The following RFC4 variants were observed in gnomAD, a reference collection of about 807,000 sequenced individuals.
The protein encoded by RFC4 is replication factor C subunit 4.
RFC4 carries 38 observed loss-of-function variants against 47.6 expected under a neutral mutation model. The observed-to-expected ratio is 0.80, with a 90% CI of 0.62 to 1.05. The LOEUF (loss-of-function observed/expected upper bound fraction) is 1.05. Among genes scored for constraint, RFC4 ranks in the 50% least tolerant of loss-of-function variants. The pLI, the probability that RFC4 is intolerant of heterozygous loss-of-function variation, is 0.00. For synonymous variants in RFC4, 164 were observed against 150.0 expected (o/e 1.09, Z -0.68); for missense variants, 489 against 434.0 (o/e 1.13, Z -1.13).
chr3:186,791,568 C>T (rs1722137056), intron 8 of RFC4, 157 bp downstream of exon 8: 1 of 719,274 alleles, frequency 1.4e-6, no homozygotes, highest in Non-Finnish European at 2.5e-6. Context: ...GTGCTATCTC[C>T]TCACCTCAAA....
chr3:186,802,412 A>T (rs1722377738), intron 2 of RFC4, among the ~76,000 whole-genome samples: 2 of 152,224 alleles, frequency 1.3e-5, no homozygotes, highest in South Asian at 4.1e-4. Context: ...TAGTAACCTT[A>T]GTATAGGTAA....
At chr3:186,798,487 A>C (rs1722288518) in intron 3 of RFC4, among the ~76,000 whole-genome samples, 1 of 152,012 alleles carries the variant, frequency 6.6e-6, no homozygotes. Context: ...TTCTTCACCT[A>C]AATCAGATAC....
rs1166424378 is a variant in RFC4 at position 186,796,147 on chromosome 3, T to C, written c.291-1370A>G. ...AAGCATGTTTATGGACATAAACATT[T>C]ACATGCATCTATTTTCTATTTTAAA... On this transcript the variant is annotated intron_variant, in intron 4 of 10. Coordinates refer to ENST00000296273, the MANE Select transcript of RFC4 (RefSeq NM_002916.5). The surrounding 1 kb of genome is among the most constrained non-coding windows in gnomAD (Gnocchi z 4.2). Among the ~76,000 whole-genome samples, 3 of 152,186 alleles carry C rather than the reference T, an allele frequency of 2.0e-5. No homozygotes were observed. In the East Asian group the frequency reaches 5.8e-4, roughly 29 times the overall value.
rs1276674740 is a variant in RFC4 at position 186,796,947 on chromosome 3, GT to G, written c.290+587del. ...GTAAAGGGCTCCTCTAGAATGGCTG[GT>G]TAAGCCAAGATGGTCAATCTAGGAA... is the stretch of plus-strand genomic sequence containing the variant. On this transcript the variant is annotated intron_variant, in intron 4 of 10. Transcript: ENST00000296273. This position sits in a 1 kb window ranked among gnomAD's most constrained non-coding sequence, Gnocchi z 4.2. 6.6e-6 allele frequency among the ~76,000 whole-genome samples: 1 copy of G among 152,184 alleles called. No homozygotes were observed. Among genetic ancestry groups the G allele is most frequent in the Non-Finnish European group, 1.5e-5 (1 of 68,032 alleles).
rs148981469 is a variant in RFC4 at position 186,804,992 on chromosome 3, T to C, written c.-11-268A>G. The C allele has an allele frequency of 3.1e-4, 93 of 303,214 alleles. 1 individual carries two copies. In the East Asian group the frequency reaches 4.9e-3, roughly 16 times the overall value. 18.8% of individuals were successfully genotyped at this position (303,214 alleles called of 1,614,324 possible). A position where few individuals can be genotyped will look rare whatever the true frequency, so the allele number is the denominator to read the frequency against. ...GAATCTATTTCTAGTGCAGGAGTTA[T>C]AGAACAAAGATCATATGTCACAAAA... On this transcript the variant is annotated intron_variant, in intron 1 of 10. Coordinates refer to ENST00000296273, the MANE Select transcript of RFC4 (RefSeq NM_002916.5).
intron 2 of RFC4, 60 bp downstream of exon 2, chr3:186,804,523 T>G: frequency 2.1e-6 from 3 of 1,428,146 alleles, no homozygotes; most frequent in Non-Finnish European, 1.9e-6. Context: ...AAAAAAGTGA[T>G]CAGTACTGGT....
chr3:186,789,945 ACC>A lies in RFC4; in HGVS notation c.*22_*23del. 7.1e-7 allele frequency: 1 copy of A among 1,400,430 alleles called. No individual in the cohort carries two copies. Among genetic ancestry groups the A allele is most frequent in the East Asian group, 2.3e-5 (1 of 43,660 alleles). 86.8% of individuals were successfully genotyped at this position (1,400,430 alleles called of 1,614,324 possible). On this transcript the variant is annotated 3_prime_UTR_variant, in exon 11 of 11. Coordinates refer to ENST00000296273, the MANE Select transcript of RFC4 (RefSeq NM_002916.5). ...TTATTACAACTTCATTATTTACAAA[ACC>A]CCCCATCCAGATATATTCACGTTAA... is the stretch of plus-strand genomic sequence containing the variant.
rs922147324 is a variant in RFC4 at position 186,796,929 on chromosome 3, G to A, written c.290+606C>T. The stretch of plus-strand genomic sequence containing the variant: ...CACATCTTTTAACTCTAGGTAAAGG[G>A]CTCCTCTAGAATGGCTGGTTAAGCC... On this transcript the variant is annotated intron_variant, in intron 4 of 10. Transcript: ENST00000296273. The surrounding 1 kb of genome is among the most constrained non-coding windows in gnomAD (Gnocchi z 4.2). Among the ~76,000 whole-genome samples the A allele has an allele frequency of 2.6e-5, 4 of 152,186 alleles. No individual in the cohort carries two copies. Among genetic ancestry groups the A allele is most frequent in the African/African-American group, 9.6e-5 (4 of 41,452 alleles).
intron 3 of RFC4, among the ~76,000 whole-genome samples, chr3:186,798,407 T>G (rs1179090985): frequency 6.6e-6 from 1 of 152,154 alleles, no homozygotes; most frequent in East Asian, 1.9e-4. Context: ...AGGAAATCAG[T>G]GTACACAGGA....
chr3:186,803,670 ATT>A (rs766384165), intron 2 of RFC4, among the ~76,000 whole-genome samples: 25 of 134,340 alleles, frequency 1.9e-4, no homozygotes, highest in East Asian at 2.3e-4. Flanking sequence ...TGCCTGGCTA[ATT>A]TTTTTTTTTT....
intron 3 of RFC4, 41 bp from the exon 4 acceptor site, chr3:186,797,655 G>T: frequency 1.5e-6 from 2 of 1,366,764 alleles, no homozygotes; most frequent in Non-Finnish European, 2.1e-6. Flanking sequence ...TGGTATTCTG[G>T]CACAAATAGA....
chr3:186,804,169 T>G (rs1722424521), intron 2 of RFC4, among the ~76,000 whole-genome samples: 1 of 152,004 alleles, frequency 6.6e-6, no homozygotes, highest in South Asian at 2.1e-4. Flanking sequence ...GGCAACAGAG[T>G]GAGACTCCGT....
intron 1 of RFC4, 28 bp from the exon 2 acceptor site, chr3:186,804,752 A>G: frequency 6.3e-7 from 1 of 1,583,070 alleles, no homozygotes; most frequent in Non-Finnish European, 8.6e-7. Flanking sequence ...AGAAAAAAAA[A>G]GCTTTTATTG....
At position 186,801,311 on chromosome 3, in the gene RFC4, A is replaced by T. The variant is rs1579183033; in HGVS notation, c.132-116T>A. On this transcript the variant is annotated intron_variant, in intron 2 of 10. Transcript: ENST00000296273. ...GACCATTCTTAAACATCAGCAATGA[A>T]ATGAGAAACTTTTTCATAATCGGAA... 5 of 760,438 alleles carry T rather than the reference A, an allele frequency of 6.6e-6. No homozygotes were observed. In the East Asian group the frequency reaches 1.2e-4, roughly 19 times the overall value. The allele number at this position is 760,438 out of a possible 1,614,324, so 47.1% of individuals were successfully genotyped here.
chr3:186,802,868 T>C (rs976660819), intron 2 of RFC4, among the ~76,000 whole-genome samples: 2 of 152,086 alleles, frequency 1.3e-5, no homozygotes, highest in African/African-American at 2.4e-5. Flanking sequence ...GTAGGGACCA[T>C]GGCAAATTGA....
In RFC4 at chr3:186,804,932, G is replaced by C. The variant is rs1431582344; in HGVS notation, c.-11-208C>G. The C allele has an allele frequency of 1.5e-5, 6 of 406,036 alleles. No individual in the cohort carries two copies. The Admixed American group carries it at 2.5e-4, about 17-fold the overall frequency. The allele number at this position is 406,036 out of a possible 1,614,324, so 25.2% of individuals were successfully genotyped here. The stretch of plus-strand genomic sequence containing the variant: ...GAATGCACTGTACTGAGGGCTACAA[G>C]AACAGAAAAGTGGTCAAAGTCCCTA... On this transcript the variant is annotated intron_variant, in intron 1 of 10. Coordinates refer to ENST00000296273, the MANE Select transcript of RFC4 (RefSeq NM_002916.5).
rs764731180 is a variant in RFC4 at position 186,791,766 on chromosome 3, C to T, written c.760G>A (p.Gly254Arg). 1.2e-6 allele frequency: 2 copies of T among 1,611,940 alleles called. No individual in the cohort carries two copies. The highest frequency in any genetic ancestry group is 1.7e-6 in the Non-Finnish European group (2 of 1,178,002). The change falls in exon 8 of 11, where the codon GGA becomes AGA. Residue 254 changes from glycine (G) to arginine (R), a missense_variant. Gly to Arg is a moderately radical substitution (Grantham distance 125). Transcript: ENST00000296273. ...FLQSATRLTG[G>R]KEITEKVITD... ...ATCACTTTCTCTGTGATCTCCTTTC[C>T]ACCTGTTAATCGAGTAGCGCTTTGA... is the stretch of plus-strand genomic sequence containing the variant.
rs753533670 is a variant in RFC4, at chr3:186,789,932, C to A, written c.*37G>T. 2 of 1,276,628 alleles carry A rather than the reference C, an allele frequency of 1.6e-6. No homozygotes were observed. The highest frequency in any genetic ancestry group is 2.3e-6 in the Non-Finnish European group (2 of 887,606). 79.1% of individuals were successfully genotyped at this position (1,276,628 alleles called of 1,614,324 possible). On this transcript the variant is annotated 3_prime_UTR_variant, in exon 11 of 11. Transcript: ENST00000296273. ...GGTCATTTTATTTTTATTACAACTT[C>A]ATTATTTACAAAACCCCCCATCCAG...
chr3:186,799,451 T>C (rs1722307118), intron 3 of RFC4, among the ~76,000 whole-genome samples: 1 of 152,202 alleles, frequency 6.6e-6, no homozygotes, highest in Admixed American at 6.5e-5. Flanking sequence ...AGTCAAGAAC[T>C]AGATCTTAGG....
Sources: allele counts gnomAD v4.1 joint callset (sites outside exome capture counted in the v4.1 genomes callset), GRCh38; gene constraint gnomAD v4.1.1; non-coding constraint Gnocchi (gnomAD v3.1); transcripts MANE v1.5; gene names NCBI Gene and HGNC (gene_info 2026-07-23, HGNC 2026-07-21).